Variants in AFTPH observed in about 807,000 individuals in gnomAD.
The protein encoded by AFTPH is aftiphilin, also known as aftiphilin protein.
Under a neutral mutation model 72.5 loss-of-function variants are expected in AFTPH, and 7 were observed. That is an observed-to-expected ratio of 0.10 (90% CI 0.05 to 0.18). The LOEUF is 0.18. Among genes scored for constraint, AFTPH ranks in the 10% least tolerant of loss-of-function variants. The probability of loss-of-function intolerance (pLI) is 1.00; values close to 1 mark genes in which losing one functional copy is unlikely to be tolerated. For synonymous variants in AFTPH, 337 were observed against 370.1 expected (o/e 0.91, Z 1.03); for missense variants, 979 against 1,060.5 (o/e 0.92, Z 1.07).
chr2:64,570,916 C>CT (rs1491422805), intron 5 of AFTPH, among the ~76,000 whole-genome samples: 302 of 11,172 alleles, frequency 0.027, 11 homozygotes, highest in Middle Eastern at 0.083. Flanking sequence ...TTCCTCCCCT[C>CT]CCCCCCCCCC....
chr2:64,583,101 G>T (rs1435549522), intron 7 of AFTPH, among the ~76,000 whole-genome samples: 1 of 152,024 alleles, frequency 6.6e-6, no homozygotes, highest in Non-Finnish European at 1.5e-5. Context: ...ATTGGGTTTT[G>T]TTAAAAGTTA....
rs571253702 is a variant in AFTPH, at chr2:64,567,290, T to C, written c.1936-272T>C. Among the ~76,000 whole-genome samples the C allele has an allele frequency of 3.9e-5, 6 of 152,364 alleles. No individual in the cohort carries two copies. In the South Asian group the frequency reaches 1.2e-3, roughly 32 times the overall value. On this transcript the variant is annotated intron_variant, in intron 2 of 8. Coordinates refer to ENST00000238856, the Ensembl canonical transcript of AFTPH. ...ATTTCTTTTTTGTAGAATTTTGTAA[T>C]AGATTAAGATAATGCATGTAAAGTA... is the stretch of plus-strand genomic sequence containing the variant.
intron 8 of AFTPH, among the ~76,000 whole-genome samples, chr2:64,587,658 A>T (rs1483624576): frequency 6.6e-6 from 1 of 152,224 alleles, no homozygotes; most frequent in Non-Finnish European, 1.5e-5. Context: ...AAGAAATTTG[A>T]CATGGACCAA....
chr2:64,565,054 G>C (rs1052728534), intron 2 of AFTPH, among the ~76,000 whole-genome samples: 1 of 151,802 alleles, frequency 6.6e-6, no homozygotes, highest in African/African-American at 2.4e-5. Flanking sequence ...GGCCAGGCTG[G>C]TTTCAAACTC....
chr2:64,570,269 T>G (rs1672332975), intron 5 of AFTPH, among the ~76,000 whole-genome samples: 1 of 152,220 alleles, frequency 6.6e-6, no homozygotes, highest in African/African-American at 2.4e-5. Flanking sequence ...GATGTTTGTG[T>G]TTTTTGGTGT....
chr2:64,582,539 T>C (rs1015678235), intron 7 of AFTPH, among the ~76,000 whole-genome samples: 27 of 152,208 alleles, frequency 1.8e-4, no homozygotes, highest in African/African-American at 6.5e-4. Context: ...TATTGTACTA[T>C]TTACTTAAAT....
chr2:64,580,212 T>G (rs1210869339), intron 7 of AFTPH: 1 of 152,682 alleles, frequency 6.5e-6, no homozygotes, highest in East Asian at 1.9e-4. Context: ...TAGTTTCTAG[T>G]ATTGACACCA....
intron 1 of AFTPH, among the ~76,000 whole-genome samples, chr2:64,536,586 AAAAG>A (rs1669902957): frequency 7.0e-6 from 1 of 143,628 alleles, no homozygotes; most frequent in Non-Finnish European, 1.5e-5. Flanking sequence ...AAAAAAAAAA[AAAAG>A]AATATAGAGA....
At chr2:64,541,145 TGAG>T (rs1670227676) in intron 1 of AFTPH, among the ~76,000 whole-genome samples, 1 of 152,150 alleles carries the variant, frequency 6.6e-6, no homozygotes, top group Non-Finnish European at 1.5e-5. Context: ...TATGATAGTA[TGAG>T]GAGATAATTG....
intron 6 of AFTPH, chr2:64,578,909 A>G (rs1263298998): frequency 6.6e-6 from 1 of 152,284 alleles, no homozygotes; most frequent in Non-Finnish European, 1.5e-5. Context: ...CTTCAGCAGC[A>G]CATTATAAAA....
At chr2:64,563,223 C>T (rs1329994820) in intron 2 of AFTPH, among the ~76,000 whole-genome samples, 1 of 152,160 alleles carries the variant, frequency 6.6e-6, no homozygotes, top group Non-Finnish European at 1.5e-5. Context: ...TGATGTGATA[C>T]TGAATTTTAC....
chr2:64,564,765 C>A (rs954841257), intron 2 of AFTPH, among the ~76,000 whole-genome samples: 12 of 151,858 alleles, frequency 7.9e-5, no homozygotes, highest in Non-Finnish European at 7.4e-5. Flanking sequence ...TATTTATTAC[C>A]CAAAACAAGA....
At chr2:64,559,645 C>A (rs1671595830) in intron 2 of AFTPH, among the ~76,000 whole-genome samples, 1 of 152,168 alleles carries the variant, frequency 6.6e-6, no homozygotes, top group South Asian at 2.1e-4. Flanking sequence ...ATTACCAATT[C>A]AAATCTTAAT....
chr2:64,586,087 G>T (rs996550012), intron 8 of AFTPH, among the ~76,000 whole-genome samples: 1 of 152,186 alleles, frequency 6.6e-6, no homozygotes, highest in African/African-American at 2.4e-5. Flanking sequence ...CCCTGTGTTG[G>T]AACTAAAGGC....
intron 1 of AFTPH, among the ~76,000 whole-genome samples, chr2:64,540,091 G>A (rs1670141656): frequency 6.6e-6 from 1 of 152,190 alleles, no homozygotes; most frequent in Non-Finnish European, 1.5e-5. Context: ...GATTGTGGAT[G>A]TAAGCAAGAT....
chr2:64,533,136 G>T (rs1558590690), intron 1 of AFTPH, among the ~76,000 whole-genome samples: 1 of 152,102 alleles, frequency 6.6e-6, no homozygotes, highest in African/African-American at 2.4e-5. Context: ...GGTGGCTCAT[G>T]CCTGTAATCC....
intron 3 of AFTPH, among the ~76,000 whole-genome samples, chr2:64,568,859 G>A (rs1416749669): frequency 6.6e-6 from 1 of 152,198 alleles, no homozygotes; most frequent in African/African-American, 2.4e-5. Context: ...TGATCCGCCT[G>A]CCTCGGCCTC....
rs1671149169 is a variant in AFTPH at position 64,553,102 on chromosome 2, C to G, written c.1628C>G (p.Pro543Arg). 7 of 1,614,100 alleles carry G rather than the reference C, an allele frequency of 4.3e-6. No homozygotes were observed. The highest frequency in any genetic ancestry group is 5.9e-6 in the Non-Finnish European group (7 of 1,180,010). Residue 543 changes from proline (P) to arginine (R), a missense_variant, in exon 2 of 9, where the codon CCA (proline) becomes CGA (arginine). Physicochemically the swap from Pro to Arg is moderately radical, Grantham distance 103. Transcript: ENST00000238856. Reference sequence around the variant, plus strand: ...GAGATTGGACATTTTGATTCTGTGCCAAATATTCAGGATGACTGCAATGGT... The same window carrying G: ...GAGATTGGACATTTTGATTCTGTGCGAAATATTCAGGATGACTGCAATGGT...
rs530650968 is a variant in AFTPH, at chr2:64,585,689, ATAT to A, written c.2579+148_2579+150del. On this transcript the variant is annotated intron_variant, in intron 8 of 8. Coordinates refer to ENST00000238856, the Ensembl canonical transcript of AFTPH. ...GTCAGTCGATGCCCAAGTCCAGAAAATATTATCAAATTATGTTTAATTATGAAC... is the reference window on the plus strand; with the variant it reads ...GTCAGTCGATGCCCAAGTCCAGAAAATATCAAATTATGTTTAATTATGAAC... 4.8e-4 allele frequency: 406 copies of A among 846,654 alleles called. 5 individuals carry two copies. In the Admixed American group the frequency reaches 9.4e-3, roughly 20 times the overall value. The allele number at this position is 846,654 out of a possible 1,614,324, so 52.4% of individuals were successfully genotyped here.
Sources: gnomAD v4.1 joint callset for allele counts (sites outside exome capture counted in the v4.1 genomes callset) on GRCh38, gnomAD v4.1.1 for gene constraint, MANE v1.5 for transcripts, NCBI Gene and HGNC (gene_info 2026-07-23, HGNC 2026-07-21) for gene names.